Variants in ANK3 observed in about 807,000 individuals in gnomAD.
The protein encoded by ANK3 is ankyrin-3.
Under a neutral mutation model 370.9 loss-of-function variants are expected in ANK3, and 57 were observed. That is an observed-to-expected ratio of 0.15 (90% CI 0.12 to 0.19). The LOEUF (loss-of-function observed/expected upper bound fraction) is 0.19. ANK3 is among the 10% of genes least tolerant of loss of function. The probability of loss-of-function intolerance (pLI) is 1.00; values close to 1 mark genes in which losing one functional copy is unlikely to be tolerated. For missense variants in ANK3, 4,439 were observed against 5,302.1 expected, an observed-to-expected ratio of 0.84 and a Z score of 5.06; for synonymous variants, 1,929 against 1,946.3, an observed-to-expected ratio of 0.99 and a Z score of 0.23.
chr10:60,667,155 G>T (rs2079006978), intron 1 of ANK3, among the ~76,000 whole-genome samples: 1 of 143,780 alleles, frequency 7.0e-6, no homozygotes, highest in African/African-American at 2.5e-5. Context: ...TTTTCCTGTG[G>T]TAAAACTTTA....
chr10:60,240,133 CATATATAT>C (rs10539145), intron 7 of ANK3, among the ~76,000 whole-genome samples: 57,195 of 101,736 alleles, frequency 0.56, 15,604 homozygotes, highest in Non-Finnish European at 0.62. Context: ...CATATATATA[CATATATAT>C]ACACATATAT....
At chr10:60,319,095 G>C (rs2048080251) in intron 1 of ANK3, among the ~76,000 whole-genome samples, 1 of 152,218 alleles carries the variant, frequency 6.6e-6, no homozygotes, top group East Asian at 1.9e-4. Context: ...CATTGTTGTT[G>C]CAAATGATTA....
chr10:60,514,356 A>C (rs1215024164), intron 2 of ANK3, among the ~76,000 whole-genome samples: 1 of 152,120 alleles, frequency 6.6e-6, no homozygotes, highest in African/African-American at 2.4e-5. Flanking sequence ...CCCTATCAGG[A>C]GTGATATTTA....
chr10:60,042,710 T>C lies in ANK3; in HGVS notation c.13115A>G (p.Glu4372Gly). 2 of 1,614,136 alleles carry C rather than the reference T, an allele frequency of 1.2e-6. No individual in the cohort carries two copies. The highest frequency in any genetic ancestry group is 1.7e-6 in the Non-Finnish European group (2 of 1,179,992). The change falls in exon 43 of 44, where the codon GAA (glutamate) becomes GGA (glycine). Residue 4372 changes from glutamate (E) to glycine (G), a missense_variant. Physicochemically the swap from Glu to Gly is moderately conservative, Grantham distance 98. This residue lies in a region of ANK3 where 242 missense variants were observed against 228.0 expected (regional missense o/e 1.06). Coordinates refer to ENST00000280772, the MANE Select transcript of ANK3 (RefSeq NM_020987.5). ...TCGCTGTTACGAGTGGCTCTTCTTT[T>C]CCACATGCCGGATTTCTTTCTTCGT... ...VKTKKEIRHVEKKSHS is the reference protein window; with the variant it reads ...VKTKKEIRHVGKKSHS
At chr10:60,712,626 C>A (rs151031820) in intron 1 of ANK3, among the ~76,000 whole-genome samples, 1 of 152,094 alleles carries the variant, frequency 6.6e-6, no homozygotes, top group East Asian at 1.9e-4. Flanking sequence ...ATACTTTAAA[C>A]ACAAAGGGTT....
At chr10:60,199,639 G>T (rs887396694) in intron 13 of ANK3, among the ~76,000 whole-genome samples, 1 of 151,914 alleles carries the variant, frequency 6.6e-6, no homozygotes, top group Non-Finnish European at 1.5e-5. Flanking sequence ...AGATAAGTGG[G>T]TTTCTCCTGC....
chr10:60,630,139 C>G (rs1338637862), intron 1 of ANK3, among the ~76,000 whole-genome samples: 1 of 152,054 alleles, frequency 6.6e-6, no homozygotes, highest in Non-Finnish European at 1.5e-5. Context: ...ATCATTTAAT[C>G]TGAGTGTCAG....
chr10:60,062,669 T>A (rs1290256077), intron 40 of ANK3: 1 of 152,412 alleles, frequency 6.6e-6, no homozygotes, highest in Non-Finnish European at 1.5e-5. Flanking sequence ...ATTGCCATTT[T>A]ACCTTACAAT....
intron 7 of ANK3, among the ~76,000 whole-genome samples, chr10:60,235,269 T>A (rs530558755): frequency 2.0e-4 from 31 of 152,296 alleles, no homozygotes; most frequent in African/African-American, 7.5e-4. Flanking sequence ...GGAAAATCTG[T>A]TACTTCTATA....
At chr10:60,079,170 T>C (rs975875864) in intron 36 of ANK3, among the ~76,000 whole-genome samples, 2 of 41,752 alleles carry the variant, frequency 4.8e-5, no homozygotes, top group Admixed American at 5.0e-4. Context: ...CCTAGCTACC[T>C]AGCTACACAC....
chr10:60,134,188 T>A, intron 25 of ANK3, 83 bp downstream of exon 25: 1 of 1,124,812 alleles, frequency 8.9e-7, no homozygotes. Flanking sequence ...AGAAATATAT[T>A]TTTTGTCACA....
chr10:60,220,091 A>G (rs2097017582), intron 8 of ANK3, among the ~76,000 whole-genome samples: 1 of 152,212 alleles, frequency 6.6e-6, no homozygotes, highest in South Asian at 2.1e-4. Flanking sequence ...TGTCTACTTC[A>G]TAATGTAAAA....
chr10:60,344,652 C>CTT (rs34444842), intron 1 of ANK3, among the ~76,000 whole-genome samples: 105,499 of 151,444 alleles, frequency 0.7, 37,990 homozygotes, highest in South Asian at 0.91. Flanking sequence ...CTTCAAAACT[C>CTT]TTAAAAAATG....
At chr10:60,238,655 C>T (rs2097370756) in intron 7 of ANK3, among the ~76,000 whole-genome samples, 2 of 151,964 alleles carry the variant, frequency 1.3e-5, no homozygotes, top group South Asian at 4.1e-4. Flanking sequence ...GGGTGGAGCA[C>T]TAACACTAAG....
chr10:60,443,563 C>A (rs1274003010), intron 2 of ANK3, among the ~76,000 whole-genome samples: 1 of 152,100 alleles, frequency 6.6e-6, no homozygotes, highest in Non-Finnish European at 1.5e-5. Context: ...CATTTCAGAA[C>A]CCCCGGCGTG....
intron 2 of ANK3, among the ~76,000 whole-genome samples, chr10:60,470,733 T>C (rs948524041): frequency 1.1e-4 from 17 of 152,034 alleles, no homozygotes; most frequent in African/African-American, 3.9e-4. Context: ...GACCAATAGT[T>C]GGGAGTGGGA....
At chr10:60,261,810 A>T in intron 7 of ANK3, 49 bp downstream of exon 7, 1 of 1,530,112 alleles carries the variant, frequency 6.5e-7, no homozygotes, top group Non-Finnish European at 9.0e-7. Context: ...AAGAGAGTAT[A>T]AAATAGTTGC....
At chr10:60,085,047 T>C in intron 31 of ANK3, 110 bp downstream of exon 31, 1 of 925,654 alleles carries the variant, frequency 1.1e-6, no homozygotes, top group Non-Finnish European at 1.6e-6. Flanking sequence ...ATACTACGGA[T>C]TTTTTTTCTC....
intron 1 of ANK3, among the ~76,000 whole-genome samples, chr10:60,697,829 A>C (rs2079484403): frequency 1.3e-5 from 2 of 152,054 alleles, no homozygotes; most frequent in African/African-American, 4.8e-5. Context: ...ATTACCATTC[A>C]GGACATAGGC....
Sources: allele counts gnomAD v4.1 joint callset (sites outside exome capture counted in the v4.1 genomes callset), GRCh38; gene constraint gnomAD v4.1.1; regional missense constraint gnomAD v4.1.1; transcripts MANE v1.5; gene names NCBI Gene and HGNC (gene_info 2026-07-23, HGNC 2026-07-21).